RNF168: variants seen among roughly 807,000 people sequenced by gnomAD.
RNF168 encodes the protein ring finger protein 168.
Under a neutral mutation model 34.9 loss-of-function variants are expected in RNF168, and 34 were observed. That is an observed-to-expected ratio of 0.97 (90% CI 0.74 to 1.30). The LOEUF is 1.30. RNF168 is among the 50% of genes most tolerant of loss of function. The pLI is 0.00. For synonymous variants in RNF168, 264 were observed against 254.7 expected, an observed-to-expected ratio of 1.04 and a Z score of -0.35; for missense variants, 725 against 682.5, an observed-to-expected ratio of 1.06 and a Z score of -0.69.
rs114324792 is a variant in RNF168, at chr3:196,478,481, G to A, written c.681-3169C>T. On this transcript the variant is annotated intron_variant, in intron 4 of 5. Transcript: ENST00000318037. ...CTTTTCTGTCTGTTAATCTTCTTCCGACATGTGGCTCCACGGGAGTCGCTC... is the reference window on the plus strand; with the variant it reads ...CTTTTCTGTCTGTTAATCTTCTTCCAACATGTGGCTCCACGGGAGTCGCTC... Among the ~76,000 whole-genome samples the A allele has an allele frequency of 4.9e-3, 743 of 152,164 alleles. 8 individuals are homozygous for A. The highest frequency in any genetic ancestry group is 0.018 in the African/African-American group (728 of 41,516).
chr3:196,503,571 C>A lies in RNF168; in HGVS notation c.-398G>T. On this transcript the variant is annotated 5_prime_UTR_variant, in exon 1 of 6. Transcript: ENST00000318037. ...CGCTCAGCTCGGGGCAGCCGGGCCC[C>A]GGGACGCGGCTCCGGGAGGAAGCCC... 4.3e-6 allele frequency: 1 copy of A among 233,082 alleles called. No individual in the cohort carries two copies. Among genetic ancestry groups the A allele is most frequent in the South Asian group, 4.7e-5 (1 of 21,114 alleles). The allele number at this position is 233,082 out of a possible 1,614,324, so 14.4% of individuals were successfully genotyped here.
chr3:196,471,809 T>A lies in RNF168; in HGVS notation c.*10A>T. On this transcript the variant is annotated 3_prime_UTR_variant, in exon 6 of 6. Coordinates refer to ENST00000318037, the MANE Select transcript of RNF168 (RefSeq NM_152617.4). ...TTTACTAGATCACAAAGCACTCCCT[T>A]TACCAGGCCTTACTTTGTGCATCTC... is the stretch of plus-strand genomic sequence containing the variant. The A allele has an allele frequency of 6.4e-7, 1 of 1,561,472 alleles. No homozygotes were observed. Among genetic ancestry groups the A allele is most frequent in the Non-Finnish European group, 8.8e-7 (1 of 1,132,108 alleles).
At chr3:196,482,415 A>G (rs1732317072) in intron 4 of RNF168, among the ~76,000 whole-genome samples, 2 of 152,194 alleles carry the variant, frequency 1.3e-5, no homozygotes, top group African/African-American at 4.8e-5. Flanking sequence ...ATATTCATGT[A>G]CAAGTATTTG....
Position 196,483,841 on chromosome 3 carries a change from T to C in RNF168, c.609A>G (p.Lys203=). Residue 203 remains lysine, a synonymous_variant, in exon 4 of 6, where the codon AAA becomes AAG. Transcript: ENST00000318037. ...SISASPLNSR[K]SDPVTPKSEK... ...CAGACTTGGGTGTAACTGGATCAGA[T>C]TTTCTGGAATTCAAGGGAGAAGCCG... The C allele has an allele frequency of 6.2e-7, 1 of 1,609,734 alleles. No homozygotes were observed. The highest frequency in any genetic ancestry group is 1.1e-5 in the South Asian group (1 of 90,996).
intron 5 of RNF168, among the ~76,000 whole-genome samples, chr3:196,473,697 A>C (rs1732069920): frequency 6.6e-6 from 1 of 152,152 alleles, no homozygotes; most frequent in Non-Finnish European, 1.5e-5. Flanking sequence ...TCTACTAAAA[A>C]TACAAAAATT....
Position 196,483,787 on chromosome 3 carries a change from GTTTCTTTGTTTGTTCTTACT to G in RNF168, c.643_662del (p.Ser215HisfsTer21). On this transcript the variant is annotated frameshift_variant, in exon 4 of 6. Transcript: ENST00000318037. LOFTEE classifies it high-confidence loss of function. ...TCACTTACTTCTGAATATCTCCAGT[GTTTCTTTGTTTGTTCTTACT>G]TTTCTTTTCAGACTTGGGTGTAACT... 6.2e-7 allele frequency: 1 copy of G among 1,611,192 alleles called. No individual in the cohort carries two copies. Among genetic ancestry groups the G allele is most frequent in the Non-Finnish European group, 8.5e-7 (1 of 1,177,468 alleles).
Position 196,472,716 on chromosome 3 carries a change from A to G in RNF168, c.819T>C (p.Asp273=). ...ATATCTGTGGAGAAAGTGTCGGCAT[A>G]TCTTCTATTTCTGTGTCTTGCCCTG... is the stretch of plus-strand genomic sequence containing the variant. ...SPTGQDTEIE[D]MPTLSPQISL... The change falls in exon 6 of 6, where the codon GAT becomes GAC. Residue 273 remains aspartate, a synonymous_variant. Transcript: ENST00000318037. 6.2e-7 allele frequency: 1 copy of G among 1,608,098 alleles called. No individual in the cohort carries two copies. Among genetic ancestry groups the G allele is most frequent in the Non-Finnish European group, 8.5e-7 (1 of 1,174,870 alleles).
At chr3:196,477,603 G>A (rs1475078300) in intron 4 of RNF168, among the ~76,000 whole-genome samples, 1 of 152,210 alleles carries the variant, frequency 6.6e-6, no homozygotes, top group East Asian at 1.9e-4. Context: ...TGTCAATGCT[G>A]ATGCGGGACC....
chr3:196,472,352 A>G lies in RNF168; in HGVS notation c.1183T>C (p.Phe395Leu). 2 of 1,614,044 alleles carry G rather than the reference A, an allele frequency of 1.2e-6. No homozygotes were observed. The highest frequency in any genetic ancestry group is 8.5e-7 in the Non-Finnish European group (1 of 1,179,976). ...AAGCATGGATCCTTGACTGCTTCAA[A>G]GGAAGATTCTTGGTTTTTTCTTTTG... ...ISKRKNQESS[F>L]EAVKDPCFSA... Residue 395 changes from phenylalanine (F) to leucine (L), a missense_variant, in exon 6 of 6, where the codon TTT becomes CTT. Transcript: ENST00000318037.
At chr3:196,483,425 A>G (rs1027583679) in intron 4 of RNF168, among the ~76,000 whole-genome samples, 3 of 152,222 alleles carry the variant, frequency 2.0e-5, no homozygotes, top group Non-Finnish European at 4.4e-5. Flanking sequence ...TAGAGAAGAA[A>G]TGACAAATTG....
At position 196,471,821 on chromosome 3, in the gene RNF168, A is replaced by C; in HGVS notation, c.1714T>G (p.Ter572GluextTer40). The change falls in exon 6 of 6, where the codon TAA becomes GAA. Residue 572 changes from the stop codon to glutamate (E), a stop_lost. Coordinates refer to ENST00000318037, the MANE Select transcript of RNF168 (RefSeq NM_152617.4). ...CAAAGCACTCCCTTTACCAGGCCTT[A>C]CTTTGTGCATCTCTGAAACATCTGA... ...VFQMFQRCTK[*>E] 3 of 1,599,740 alleles carry C rather than the reference A, an allele frequency of 1.9e-6. No individual in the cohort carries two copies. Among genetic ancestry groups the C allele is most frequent in the Non-Finnish European group, 2.6e-6 (3 of 1,166,864 alleles).
intron 1 of RNF168, 24 bp from the exon 2 acceptor site, chr3:196,488,707 T>C (rs1377811228): frequency 4.0e-6 from 6 of 1,487,422 alleles, no homozygotes; most frequent in East Asian, 2.3e-5. Context: ...AAAAAGAAAA[T>C]AACATTATAG....
chr3:196,500,431 T>A (rs1261350198), intron 1 of RNF168, among the ~76,000 whole-genome samples: 1 of 152,142 alleles, frequency 6.6e-6, no homozygotes, highest in Non-Finnish European at 1.5e-5. Context: ...AAATTCCACT[T>A]ACAGGAGGTA....
intron 3 of RNF168, among the ~76,000 whole-genome samples, chr3:196,485,941 C>T (rs894689212): frequency 2.6e-5 from 4 of 152,090 alleles, no homozygotes; most frequent in Non-Finnish European, 2.9e-5. Context: ...AGGTCCCATC[C>T]CTAGAGACTC....
chr3:196,473,981 A>G (rs1488718346), intron 5 of RNF168, among the ~76,000 whole-genome samples: 1 of 152,120 alleles, frequency 6.6e-6, no homozygotes, highest in Non-Finnish European at 1.5e-5. Flanking sequence ...TGACCCTTAC[A>G]GGGCATGTGG....
intron 1 of RNF168, among the ~76,000 whole-genome samples, chr3:196,502,544 C>T (rs1224847756): frequency 6.6e-6 from 1 of 151,266 alleles, no homozygotes; most frequent in African/African-American, 2.4e-5. Flanking sequence ...GCCGAGATCG[C>T]GCCACTGCAC....
At chr3:196,487,699 A>G in intron 2 of RNF168, 121 bp from the exon 3 acceptor site, 1 of 932,772 alleles carries the variant, frequency 1.1e-6, no homozygotes, top group Non-Finnish European at 1.7e-6. Flanking sequence ...ATGATCTCAA[A>G]TGAAGTACAA....
At chr3:196,486,155 T>G (rs1235260414) in intron 3 of RNF168, among the ~76,000 whole-genome samples, 2 of 152,178 alleles carry the variant, frequency 1.3e-5, no homozygotes, top group Admixed American at 6.5e-5. Flanking sequence ...ATACATTATC[T>G]AAAAATTTAA....
chr3:196,472,011 T>TG lies in RNF168; in HGVS notation c.1523dup (p.Thr509AsnfsTer11). The stretch of plus-strand genomic sequence containing the variant: ...TGTCCCTTGAGCCTCTCTCTGGTGT[T>TG]GGATGCTTTGTGTGAGTTTGCCTTT... On this transcript the variant is annotated frameshift_variant, in exon 6 of 6. Transcript: ENST00000318037. LOFTEE classifies it high-confidence loss of function. 6.2e-7 allele frequency: 1 copy of TG among 1,614,190 alleles called. No individual in the cohort carries two copies. Among genetic ancestry groups the TG allele is most frequent in the Non-Finnish European group, 8.5e-7 (1 of 1,180,026 alleles).
Sources: gnomAD v4.1 joint callset for allele counts (sites outside exome capture counted in the v4.1 genomes callset) on GRCh38, gnomAD v4.1.1 for gene constraint, MANE v1.5 for transcripts, NCBI Gene and HGNC (gene_info 2026-07-23, HGNC 2026-07-21) for gene names.